The following CEP83 variants were observed in gnomAD, a reference collection of about 807,000 sequenced individuals.
The protein encoded by CEP83 is centrosomal protein 83, also known as centrosomal protein of 83 kDa.
CEP83 carries 70 observed loss-of-function variants against 101.9 expected under a neutral mutation model. The observed-to-expected ratio is 0.69, with a 90% CI of 0.57 to 0.84. The LOEUF (loss-of-function observed/expected upper bound fraction) is 0.84. Among genes scored for constraint, CEP83 ranks in the 40% least tolerant of loss-of-function variants. CEP83 has a pLI of 0.00. For synonymous variants in CEP83, 264 were observed against 267.9 expected, an observed-to-expected ratio of 0.99 and a Z score of 0.14; for missense variants, 715 against 787.2, an observed-to-expected ratio of 0.91 and a Z score of 1.10.
At position 94,369,979 on chromosome 12, in the gene CEP83, C is replaced by T. The variant is rs1431463460; in HGVS notation, c.991G>A (p.Ala331Thr). 1.2e-6 allele frequency: 2 copies of T among 1,611,200 alleles called. No homozygotes were observed. The highest frequency in any genetic ancestry group is 1.1e-5 in the South Asian group (1 of 90,872). The change falls in exon 9 of 17, where the codon GCA (alanine) becomes ACA (threonine). Residue 331 changes from alanine to threonine, a missense_variant. Physicochemically the swap from Ala to Thr is moderately conservative, Grantham distance 58. Coordinates refer to ENST00000397809, the MANE Select transcript of CEP83 (RefSeq NM_016122.3). ...CTTTCTAGCTCACTCTTAGCTCTTG[C>T]TGTCTCCAGTTTGATGTCTGTTATT... Reference protein sequence around the residue: ...LEITDIKLETARAKSELERER... With the variant: ...LEITDIKLETTRAKSELERER...
intron 2 of CEP83, among the ~76,000 whole-genome samples, chr12:94,434,300 CA>C (rs1398196777): frequency 2.6e-5 from 4 of 151,854 alleles, no homozygotes; most frequent in South Asian, 4.2e-4. Context: ...AGATATGAAA[CA>C]AAAAAATGTT....
intron 14 of CEP83, chr12:94,328,238 G>A (rs2059055335): frequency 3.1e-6 from 1 of 325,768 alleles, no homozygotes; most frequent in Non-Finnish European, 6.2e-6. Flanking sequence ...CTTCAATGGG[G>A]GTGGGGGGAA....
intron 4 of CEP83, among the ~76,000 whole-genome samples, chr12:94,407,786 A>G (rs940767632): frequency 6.6e-6 from 1 of 152,144 alleles, no homozygotes; most frequent in Non-Finnish European, 1.5e-5. Flanking sequence ...CCATTTTAGG[A>G]AAAAATATTC....
At position 94,368,205 on chromosome 12, in the gene CEP83, G is replaced by C; in HGVS notation, c.1049-4C>G. ...ATTTCATTGTCTGACTGTAATCCTA[G>C]TGTTTTTCAAGGAGAAAAGTGTACT... On this transcript the variant is annotated splice_polypyrimidine_tract_variant and splice_region_variant and intron_variant, in intron 9 of 16. Coordinates refer to ENST00000397809, the MANE Select transcript of CEP83 (RefSeq NM_016122.3). 6.2e-7 allele frequency: 1 copy of C among 1,606,326 alleles called. No homozygotes were observed. Among genetic ancestry groups the C allele is most frequent in the African/African-American group, 1.3e-5 (1 of 74,736 alleles).
rs1463738544 is a variant in CEP83 at position 94,333,645 on chromosome 12, A to C, written c.1420-6T>G. 3 of 1,608,854 alleles carry C rather than the reference A, an allele frequency of 1.9e-6. No homozygotes were observed. The highest frequency in any genetic ancestry group is 2.5e-6 in the Non-Finnish European group (3 of 1,178,418). On this transcript the variant is annotated splice_polypyrimidine_tract_variant and splice_region_variant and intron_variant, in intron 12 of 16. Transcript: ENST00000397809. ...ATCTGCAAACTACTGATTTGCTTAA[A>C]AGAGAAGAAAGAAGATAAATTAAAG...
chr12:94,284,376 G>T, the CEP83 span, among the ~76,000 whole-genome samples: 2 of 152,148 alleles, frequency 1.3e-5, no homozygotes, highest in Non-Finnish European at 2.9e-5. Flanking sequence ...CCAGAAATGA[G>T]CAAGAGCAGC....
chr12:94,412,855 ATT>A (rs750845100), intron 2 of CEP83, among the ~76,000 whole-genome samples: 5 of 137,042 alleles, frequency 3.6e-5, no homozygotes, highest in African/African-American at 5.3e-5. Flanking sequence ...TACCCGGCTA[ATT>A]TTTTTTTTTT....
intron 1 of CEP83, among the ~76,000 whole-genome samples, chr12:94,447,366 G>A (rs2066888249): frequency 6.6e-6 from 1 of 152,184 alleles, no homozygotes; most frequent in Non-Finnish European, 1.5e-5. Context: ...ATAGCCAGGT[G>A]TGGTGGCACG....
At position 94,412,090 on chromosome 12, in the gene CEP83, C is replaced by A. The variant is rs117723170; in HGVS notation, c.173+228G>T. On this transcript the variant is annotated intron_variant, in intron 3 of 16. Coordinates refer to ENST00000397809, the MANE Select transcript of CEP83 (RefSeq NM_016122.3). ...CCATCTGGATACATTTAATCTTATA[C>A]GTCCTGCTACTTTCAAAATAAGGCT... 3.4e-4 allele frequency among the ~76,000 whole-genome samples: 51 copies of A among 152,226 alleles called. 1 individual carries two copies. In the South Asian group the frequency reaches 9.9e-3, roughly 30 times the overall value.
intron 14 of CEP83, among the ~76,000 whole-genome samples, chr12:94,331,357 CTTTTTTTTTTT>C (rs1161292599): frequency 8.1e-4 from 54 of 66,808 alleles, no homozygotes; most frequent in African/African-American, 3.0e-3. Context: ...ACCTTTTTTC[CTTTTTTTTTTT>C]TTTTTTTTTT....
chr12:94,314,200 T>C (rs1970310757), intron 14 of CEP83, among the ~76,000 whole-genome samples: 1 of 152,178 alleles, frequency 6.6e-6, no homozygotes, highest in African/African-American at 2.4e-5. Flanking sequence ...CTACAAACCT[T>C]TTAGGTATTT....
intron 1 of CEP83, among the ~76,000 whole-genome samples, chr12:94,457,144 G>A (rs2067742821): frequency 6.6e-6 from 1 of 152,122 alleles, no homozygotes. Context: ...AGCAGGTTTA[G>A]GGGATAGTGA....
At position 94,439,054 on chromosome 12, in the gene CEP83, T is replaced by A. The variant is rs558523427; in HGVS notation, c.-154-3727A>T. On this transcript the variant is annotated intron_variant, in intron 1 of 16. Transcript: ENST00000397809. ...TAAGAGGAAAGTTCATAGCAATCAC[T>A]GTCTACAACAAAAATTCTGAAAAAG... Among the ~76,000 whole-genome samples the A allele has an allele frequency of 6.6e-5, 10 of 152,280 alleles. No individual in the cohort carries two copies. The East Asian group carries it at 1.7e-3, about 26-fold the overall frequency.
intron 14 of CEP83, among the ~76,000 whole-genome samples, chr12:94,315,880 T>C (rs1002432752): frequency 6.6e-6 from 1 of 152,184 alleles, no homozygotes; most frequent in African/African-American, 2.4e-5. Flanking sequence ...TTTATCCTTA[T>C]GCCAATACCA....
chr12:94,442,168 G>T (rs1490052393), intron 1 of CEP83, among the ~76,000 whole-genome samples: 1 of 152,054 alleles, frequency 6.6e-6, no homozygotes, highest in Non-Finnish European at 1.5e-5. Flanking sequence ...AAAAAGGAAT[G>T]AAATAATGGC....
At chr12:94,272,751 C>T in the CEP83 span, among the ~76,000 whole-genome samples, 7 of 152,214 alleles carry the variant, frequency 4.6e-5, 1 homozygote, top group African/African-American at 7.2e-5. Flanking sequence ...GGAAATGTCA[C>T]CTTTATTCTG....
At chr12:94,310,780 A>G (rs1969734275) in intron 15 of CEP83, among the ~76,000 whole-genome samples, 1 of 152,242 alleles carries the variant, frequency 6.6e-6, no homozygotes, top group Non-Finnish European at 1.5e-5. Context: ...ATATGGTCAA[A>G]TATAGAGATT....
chr12:94,379,597 T>C (rs1027846197), intron 6 of CEP83, among the ~76,000 whole-genome samples: 2 of 152,156 alleles, frequency 1.3e-5, no homozygotes, highest in African/African-American at 2.4e-5. Flanking sequence ...AGTTCTTAGA[T>C]TCAAGAAGAA....
At chr12:94,309,185 G>A (rs1969449643) in intron 16 of CEP83, among the ~76,000 whole-genome samples, 2 of 152,104 alleles carry the variant, frequency 1.3e-5, no homozygotes, top group African/African-American at 4.8e-5. Context: ...TACTAATGCA[G>A]GGCCCAGGTA....
Sources: gnomAD v4.1 joint callset for allele counts (sites outside exome capture counted in the v4.1 genomes callset) on GRCh38, gnomAD v4.1.1 for gene constraint, MANE v1.5 for transcripts, NCBI Gene and HGNC (gene_info 2026-07-23, HGNC 2026-07-21) for gene names.